The following P2RY1 variants were observed in gnomAD, a reference collection of about 807,000 sequenced individuals.
The protein encoded by P2RY1 is P2Y purinoceptor 1.
Under a neutral mutation model 22.8 loss-of-function variants are expected in P2RY1, and 14 were observed. That is an observed-to-expected ratio of 0.61 (90% CI 0.41 to 0.96). The LOEUF is 0.96. Ranked by LOEUF, P2RY1 falls within the 40% of genes least tolerant of loss-of-function variation. The pLI is 0.00. For missense variants in P2RY1, 395 were observed against 470.3 expected (o/e 0.84, Z 1.48); for synonymous variants, 200 against 195.1 (o/e 1.03, Z -0.21).
In P2RY1 at chr3:152,835,454, C is replaced by A. The variant is rs376188202; in HGVS notation, c.-329C>A. 2.9e-5 allele frequency: 10 copies of A among 348,482 alleles called. No homozygotes were observed. The highest frequency in any genetic ancestry group is 1.3e-4 in the African/African-American group (6 of 45,692). The allele number at this position is 348,482 out of a possible 1,614,324, so 21.6% of individuals were successfully genotyped here. ...CGCGCTCTGCAGCGCGGACCCGCGG[C>A]CCCTCGGGAAAGCGCAGTCGGAAAG... is the stretch of plus-strand genomic sequence containing the variant. On this transcript the variant is annotated 5_prime_UTR_variant, in exon 1 of 1. Coordinates refer to ENST00000305097, the MANE Select transcript of P2RY1 (RefSeq NM_002563.5).
In P2RY1 at chr3:152,837,802, A is replaced by G. The variant is rs1716207702; in HGVS notation, c.*898A>G. The G allele has an allele frequency of 1.8e-5, 3 of 167,118 alleles. No homozygotes were observed. The highest frequency in any genetic ancestry group is 2.9e-5 in the Non-Finnish European group (2 of 68,134). The allele number at this position is 167,118 out of a possible 1,614,324, so 10.4% of individuals were successfully genotyped here. A position where few individuals can be genotyped will look rare whatever the true frequency, so the allele number is the denominator to read the frequency against. ...CAATTTTAAGAATTGCAAATAAATT[A>G]CAGACCAAAGATTGAGTAAAGTCAA... On this transcript the variant is annotated 3_prime_UTR_variant, in exon 1 of 1. Transcript: ENST00000305097.
chr3:152,837,050 T>G lies in P2RY1; in HGVS notation c.*146T>G. The stretch of plus-strand genomic sequence containing the variant: ...GTTAAAAAAATAATAGAAGTAGAAA[T>G]GCCCACATCCACACTTAGCTTGTTT... On this transcript the variant is annotated 3_prime_UTR_variant, in exon 1 of 1. Transcript: ENST00000305097. 4 of 639,182 alleles carry G rather than the reference T, an allele frequency of 6.3e-6. No individual in the cohort carries two copies. The highest frequency in any genetic ancestry group is 8.2e-6 in the Non-Finnish European group (3 of 365,830). 39.6% of individuals were successfully genotyped at this position (639,182 alleles called of 1,614,324 possible).
At position 152,835,750 on chromosome 3, in the gene P2RY1, C is replaced by G; in HGVS notation, c.-33C>G. 2.6e-6 allele frequency: 4 copies of G among 1,540,910 alleles called. No individual in the cohort carries two copies. Among genetic ancestry groups the G allele is most frequent in the Non-Finnish European group, 3.5e-6 (4 of 1,150,588 alleles). ...GCTGCCCTCTCGCCGCCTCCTACCC[C>G]TCGGAGCCGCCGCCTAAGTCGAGGA... On this transcript the variant is annotated 5_prime_UTR_variant, in exon 1 of 1. Coordinates refer to ENST00000305097, the MANE Select transcript of P2RY1 (RefSeq NM_002563.5).
Position 152,835,412 on chromosome 3 carries a change from C to T in P2RY1, c.-371C>T. 1 of 260,054 alleles carries T rather than the reference C, an allele frequency of 3.8e-6. No homozygotes were observed. The highest frequency in any genetic ancestry group is 7.2e-6 in the Non-Finnish European group (1 of 138,134). The allele number at this position is 260,054 out of a possible 1,614,324, so 16.1% of individuals were successfully genotyped here. A position where few individuals can be genotyped will look rare whatever the true frequency, so the allele number is the denominator to read the frequency against. ...GCCCTGCAGAGCGAGTTTCCCTTGA[C>T]CTCGCTGCGCCTCTGGCGCGCTCTG... On this transcript the variant is annotated 5_prime_UTR_variant, in exon 1 of 1. Coordinates refer to ENST00000305097, the MANE Select transcript of P2RY1 (RefSeq NM_002563.5).
At position 152,835,982 on chromosome 3, in the gene P2RY1, T is replaced by C. The variant is rs1576604152; in HGVS notation, c.200T>C (p.Leu67Pro). 6.2e-7 allele frequency: 1 copy of C among 1,614,234 alleles called. No homozygotes were observed. The highest frequency in any genetic ancestry group is 1.1e-5 in the South Asian group (1 of 91,090). The change falls in exon 1 of 1, where the codon CTG (leucine) becomes CCG (proline). Residue 67 changes from leucine to proline, a missense_variant. Transcript: ENST00000305097. The part of the protein sequence containing the change: ...VYILVFIIGF[L>P]GNSVAIWMFV... ...ATCTTGGTATTCATCATCGGCTTCC[T>C]GGGCAACAGCGTGGCCATCTGGATG... is the stretch of plus-strand genomic sequence containing the variant.
rs926351826 is a variant in P2RY1, at chr3:152,835,556, C to T, written c.-227C>T. 50 of 520,608 alleles carry T rather than the reference C, an allele frequency of 9.6e-5. No homozygotes were observed. The highest frequency in any genetic ancestry group is 1.5e-4 in the Non-Finnish European group (44 of 299,128). 32.2% of individuals were successfully genotyped at this position (520,608 alleles called of 1,614,324 possible). On this transcript the variant is annotated 5_prime_UTR_variant, in exon 1 of 1. Coordinates refer to ENST00000305097, the MANE Select transcript of P2RY1 (RefSeq NM_002563.5). ...GCGGACGGAGAAGTTGCTGGCTTGC[C>T]CGATAGCCCAGTTCGGTGGCGGCCC...
rs1181822775 is a variant in P2RY1, at chr3:152,839,352, C to T, written c.*2448C>T. 1 of 152,130 alleles carries T rather than the reference C, an allele frequency of 6.6e-6. No homozygotes were observed. Among genetic ancestry groups the T allele is most frequent in the Non-Finnish European group, 1.5e-5 (1 of 68,030 alleles). 9.4% of individuals were successfully genotyped at this position (152,130 alleles called of 1,614,324 possible). A position where few individuals can be genotyped will look rare whatever the true frequency, so the allele number is the denominator to read the frequency against. ...AAACGTACAGAGGGTCAGGGTGAAG[C>T]AGTGATCTCTATTGGCTGAAAAACT... On this transcript the variant is annotated 3_prime_UTR_variant, in exon 1 of 1. Coordinates refer to ENST00000305097, the MANE Select transcript of P2RY1 (RefSeq NM_002563.5).
Position 152,838,703 on chromosome 3 carries a change from A to C in P2RY1, c.*1799A>C, listed in dbSNP as rs1464564762. 1 of 152,214 alleles carries C rather than the reference A, an allele frequency of 6.6e-6. No homozygotes were observed. Among genetic ancestry groups the C allele is most frequent in the Admixed American group, 6.5e-5 (1 of 15,278 alleles). 9.4% of individuals were successfully genotyped at this position (152,214 alleles called of 1,614,324 possible). ...CAATCTCTGGCCACTAAGATCAATG[A>C]AGAAAAGCTGTATTTAACCTTCCAA... On this transcript the variant is annotated 3_prime_UTR_variant, in exon 1 of 1. Coordinates refer to ENST00000305097, the MANE Select transcript of P2RY1 (RefSeq NM_002563.5).
Position 152,836,787 on chromosome 3 carries a change from C to T in P2RY1, c.1005C>T (p.Leu335=), listed in dbSNP as rs1716174852. 1.2e-6 allele frequency: 2 copies of T among 1,613,934 alleles called. No individual in the cohort carries two copies. Among genetic ancestry groups the T allele is most frequent in the Non-Finnish European group, 1.7e-6 (2 of 1,180,018 alleles). The change falls in exon 1 of 1, where the codon CTC becomes CTT. Residue 335 remains leucine (L), a synonymous_variant. Coordinates refer to ENST00000305097, the MANE Select transcript of P2RY1 (RefSeq NM_002563.5). The surrounding 1 kb of genome is among the most constrained non-coding windows in gnomAD (Gnocchi z 5.6). Reference sequence around the variant, plus strand: ...CGGGAGATACTTTCAGAAGGAGACTCTCCCGAGCCACAAGGAAAGCTTCTA... The same window carrying T: ...CGGGAGATACTTTCAGAAGGAGACTTTCCCGAGCCACAAGGAAAGCTTCTA... ...FLAGDTFRRR[L]SRATRKASRR...
Position 152,837,022 on chromosome 3 carries a change from T to C in P2RY1, c.*118T>C. On this transcript the variant is annotated 3_prime_UTR_variant, in exon 1 of 1. Transcript: ENST00000305097. Reference sequence around the variant, plus strand: ...GAAAAAAATCAAACCAAGAAAATAGTGAGTTAAAAAAATAATAGAAGTAGA... The same window carrying C: ...GAAAAAAATCAAACCAAGAAAATAGCGAGTTAAAAAAATAATAGAAGTAGA... The C allele has an allele frequency of 1.2e-6, 1 of 805,210 alleles. No individual in the cohort carries two copies. The highest frequency in any genetic ancestry group is 2.0e-6 in the Non-Finnish European group (1 of 510,654). 49.9% of individuals were successfully genotyped at this position (805,210 alleles called of 1,614,324 possible). A position where few individuals can be genotyped will look rare whatever the true frequency, so the allele number is the denominator to read the frequency against.
Position 152,836,258 on chromosome 3 carries a change from C to T in P2RY1, c.476C>T (p.Ser159Phe). 1 of 1,614,076 alleles carries T rather than the reference C, an allele frequency of 6.2e-7. No homozygotes were observed. Among genetic ancestry groups the T allele is most frequent in the South Asian group, 1.1e-5 (1 of 91,074 alleles). ...RYSGVVYPLK[S>F]LGRLKKKNAI... ...AGCGGTGTGGTGTACCCCCTCAAGT[C>T]CCTGGGCCGGCTCAAAAAGAAGAAT... The change falls in exon 1 of 1, where the codon TCC becomes TTC. Residue 159 changes from serine to phenylalanine, a missense_variant. Ser to Phe is a radical substitution (Grantham distance 155). Coordinates refer to ENST00000305097, the MANE Select transcript of P2RY1 (RefSeq NM_002563.5). The surrounding 1 kb of genome is among the most constrained non-coding windows in gnomAD (Gnocchi z 5.6).
chr3:152,840,989 T>C lies in P2RY1; in HGVS notation c.*4085T>C, dbSNP rs956533158. The C allele has an allele frequency of 6.6e-6, 1 of 152,194 alleles. No individual in the cohort carries two copies. The highest frequency in any genetic ancestry group is 2.4e-5 in the African/African-American group (1 of 41,458). The allele number at this position is 152,194 out of a possible 1,614,324, so 9.4% of individuals were successfully genotyped here. A position where few individuals can be genotyped will look rare whatever the true frequency, so the allele number is the denominator to read the frequency against. On this transcript the variant is annotated 3_prime_UTR_variant, in exon 1 of 1. Transcript: ENST00000305097. ...CAAAATTTGTGAATTTGAATTATAG[T>C]ATGTTTTAGTGCTATTGCAAAAAAT...
Position 152,836,735 on chromosome 3 carries a change from G to C in P2RY1, c.953G>C (p.Cys318Ser), listed in dbSNP as rs759251298. 2.5e-6 allele frequency: 4 copies of C among 1,614,194 alleles called. No individual in the cohort carries two copies. In the East Asian group the frequency reaches 8.9e-5, roughly 36 times the overall value. Residue 318 changes from cysteine to serine, a missense_variant, in exon 1 of 1, where the codon TGT becomes TCT. Physicochemically the swap from Cys to Ser is moderately radical, Grantham distance 112 (BLOSUM62 -1). Coordinates refer to ENST00000305097, the MANE Select transcript of P2RY1 (RefSeq NM_002563.5). This position sits in a 1 kb window ranked among gnomAD's most constrained non-coding sequence, Gnocchi z 5.6. Reference sequence around the variant, plus strand: ...AGAGGTCTAGCAAGTCTCAACAGTTGTGTGGACCCCATTCTCTATTTCTTG... The same window carrying C: ...AGAGGTCTAGCAAGTCTCAACAGTTCTGTGGACCCCATTCTCTATTTCTTG... ...VTRGLASLNSCVDPILYFLAG... is the reference protein window; with the variant it reads ...VTRGLASLNSSVDPILYFLAG...
chr3:152,841,429 A>G lies in P2RY1; in HGVS notation c.*4525A>G, dbSNP rs1447182118. The G allele has an allele frequency of 1.3e-5, 2 of 152,148 alleles. No homozygotes were observed. Among genetic ancestry groups the G allele is most frequent in the Non-Finnish European group, 2.9e-5 (2 of 68,012 alleles). The allele number at this position is 152,148 out of a possible 1,614,324, so 9.4% of individuals were successfully genotyped here. A position where few individuals can be genotyped will look rare whatever the true frequency, so the allele number is the denominator to read the frequency against. On this transcript the variant is annotated 3_prime_UTR_variant, in exon 1 of 1. Coordinates refer to ENST00000305097, the MANE Select transcript of P2RY1 (RefSeq NM_002563.5). ...AAACTGAAAAAGACTCAATAAAACT[A>G]TGAAACATGGTTTGATGGCTTCTAT...
chr3:152,836,710 A>C lies in P2RY1; in HGVS notation c.928A>C (p.Arg310=). ...GGTTTATGCCACGTATCAGGTGACA[A>C]GAGGTCTAGCAAGTCTCAACAGTTG... is the stretch of plus-strand genomic sequence containing the variant. ...DRVYATYQVT[R]GLASLNSCVD... The change falls in exon 1 of 1, where the codon AGA becomes CGA. Residue 310 remains arginine, a synonymous_variant. Coordinates refer to ENST00000305097, the MANE Select transcript of P2RY1 (RefSeq NM_002563.5). This position sits in a 1 kb window ranked among gnomAD's most constrained non-coding sequence, Gnocchi z 5.6. The C allele has an allele frequency of 6.2e-7, 1 of 1,614,152 alleles. No homozygotes were observed. Among genetic ancestry groups the C allele is most frequent in the East Asian group, 2.2e-5 (1 of 44,888 alleles).
Position 152,840,007 on chromosome 3 carries a change from C to G in P2RY1, c.*3103C>G, listed in dbSNP as rs1162417985. On this transcript the variant is annotated 3_prime_UTR_variant, in exon 1 of 1. Coordinates refer to ENST00000305097, the MANE Select transcript of P2RY1 (RefSeq NM_002563.5). ...TAATACTAGTTAGTATCTATTGAAGCTTAAACTTTGCTGGTCAGGTTGTAG... is the reference window on the plus strand; with the variant it reads ...TAATACTAGTTAGTATCTATTGAAGGTTAAACTTTGCTGGTCAGGTTGTAG... The G allele has an allele frequency of 6.6e-6, 1 of 152,166 alleles. No homozygotes were observed. Among genetic ancestry groups the G allele is most frequent in the African/African-American group, 2.4e-5 (1 of 41,446 alleles). The allele number at this position is 152,166 out of a possible 1,614,324, so 9.4% of individuals were successfully genotyped here.
chr3:152,835,596 G>A lies in P2RY1; in HGVS notation c.-187G>A. The A allele has an allele frequency of 1.7e-6, 1 of 587,684 alleles. No individual in the cohort carries two copies. 36.4% of individuals were successfully genotyped at this position (587,684 alleles called of 1,614,324 possible). A position where few individuals can be genotyped will look rare whatever the true frequency, so the allele number is the denominator to read the frequency against. ...GGTGGCGGCCCGGGGCGGATTTCAT[G>A]GCCCGCGGCGAACGCGGGGCCAGAG... On this transcript the variant is annotated 5_prime_UTR_variant, in exon 1 of 1. The change abolishes an upstream ATG in the 5' untranslated region. Coordinates refer to ENST00000305097, the MANE Select transcript of P2RY1 (RefSeq NM_002563.5).
At position 152,835,693 on chromosome 3, in the gene P2RY1, C is replaced by T. The variant is rs563024968; in HGVS notation, c.-90C>T. ...TCGCCTGCTCCCTTCCGCTCGCTGG[C>T]TTTTCCGATGCTTGCTGCGCCCCTG... On this transcript the variant is annotated 5_prime_UTR_variant, in exon 1 of 1. Coordinates refer to ENST00000305097, the MANE Select transcript of P2RY1 (RefSeq NM_002563.5). 57 of 1,320,306 alleles carry T rather than the reference C, an allele frequency of 4.3e-5. No homozygotes were observed. The African/African-American group carries it at 5.0e-4, about 12-fold the overall frequency. The allele number at this position is 1,320,306 out of a possible 1,614,324, so 81.8% of individuals were successfully genotyped here.
Position 152,839,013 on chromosome 3 carries a change from T to C in P2RY1, c.*2109T>C, listed in dbSNP as rs1559897791. ...ACTTGTAGCCTAATGATACACATTT[T>C]TACAATATTTCTTCACCATTTAGTT... is the stretch of plus-strand genomic sequence containing the variant. On this transcript the variant is annotated 3_prime_UTR_variant, in exon 1 of 1. Coordinates refer to ENST00000305097, the MANE Select transcript of P2RY1 (RefSeq NM_002563.5). The C allele has an allele frequency of 6.6e-6, 1 of 152,218 alleles. No individual in the cohort carries two copies. The highest frequency in any genetic ancestry group is 1.5e-5 in the Non-Finnish European group (1 of 68,032). 9.4% of individuals were successfully genotyped at this position (152,218 alleles called of 1,614,324 possible).
Sources: allele counts gnomAD v4.1 joint callset, GRCh38; gene constraint gnomAD v4.1.1; non-coding constraint Gnocchi (gnomAD v3.1); transcripts MANE v1.5; gene names NCBI Gene and HGNC (gene_info 2026-07-23, HGNC 2026-07-21).